ERICH1: variants seen among roughly 807,000 people sequenced by gnomAD.
ERICH1 encodes the protein glutamate rich 1, also known as glutamate-rich protein 1.
A neutral mutation model predicts 39.6 loss-of-function variants in ERICH1; 56 were observed. That is an observed-to-expected ratio of 1.41 (90% CI 1.14 to 1.77). The LOEUF (loss-of-function observed/expected upper bound fraction) is 1.77, where lower values mean the gene tolerates loss of function less well. ERICH1 is among the 40% of genes most tolerant of loss of function. ERICH1 has a pLI of 0.00. For synonymous variants in ERICH1, 313 were observed against 223.6 expected (o/e 1.40, Z -3.57); for missense variants, 826 against 575.4 (o/e 1.44, Z -4.45).
chr8:681,793 G>A (rs1418232320), intron 3 of ERICH1, among the ~76,000 whole-genome samples: 1 of 152,204 alleles, frequency 6.6e-6, no homozygotes, highest in Non-Finnish European at 1.5e-5. Flanking sequence ...GCCCGGCTGA[G>A]CCTTCGTCAG....
intron 2 of ERICH1, among the ~76,000 whole-genome samples, chr8:700,683 C>CCAAG (rs1811906046): frequency 6.7e-6 from 1 of 149,430 alleles, no homozygotes; most frequent in Non-Finnish European, 1.5e-5. Context: ...TGTCCCACTG[C>CCAAG]CTTGTGGCTG....
intron 3 of ERICH1, among the ~76,000 whole-genome samples, chr8:642,031 C>A (rs570537577): frequency 6.6e-6 from 1 of 152,218 alleles, no homozygotes; most frequent in Non-Finnish European, 1.5e-5. Context: ...AAATGGCCTG[C>A]CAGGCGGCCT....
In ERICH1 at chr8:695,504, C is replaced by T. The variant is rs371186105; in HGVS notation, c.170-2892G>A. The stretch of plus-strand genomic sequence containing the variant: ...CCGCCTCCCTCCCTCTCCTCTCCTT[C>T]CTCCCCATCAGCCTGCACCTGTGCT... On this transcript the variant is annotated intron_variant, in intron 2 of 5. Transcript: ENST00000262109. Among the ~76,000 whole-genome samples the T allele has an allele frequency of 3.6e-5, 5 of 137,824 alleles. No homozygotes were observed. In the South Asian group the frequency reaches 1.2e-3, roughly 33 times the overall value. The allele number at this position is 137,824 out of a possible 152,430, so 90.4% of individuals were successfully genotyped here. A position where few individuals can be genotyped will look rare whatever the true frequency, so the allele number is the denominator to read the frequency against.
chr8:685,966 G>GGTA, intron 3 of ERICH1, among the ~76,000 whole-genome samples: 3 of 131,744 alleles, frequency 2.3e-5, no homozygotes, highest in Non-Finnish European at 4.8e-5. Flanking sequence ...CCAACATGGT[G>GGTA]AAACCCCGTC....
chr8:626,817 ACAT>A (rs1244359639), intron 3 of ERICH1: 4 of 243,188 alleles, frequency 1.6e-5, no homozygotes, highest in Non-Finnish European at 3.5e-5. Flanking sequence ...GATTTATATC[ACAT>A]CATGGAGTTT....
intron 3 of ERICH1, among the ~76,000 whole-genome samples, chr8:629,023 C>T: frequency 6.6e-6 from 1 of 152,164 alleles, no homozygotes. Flanking sequence ...CAGAAGGGCT[C>T]TCGGGGCCAT....
chr8:715,917 G>T lies in ERICH1; in HGVS notation c.113C>A (p.Pro38Gln). Residue 38 changes from proline (P) to glutamine (Q), a missense_variant, in exon 2 of 6, where the codon CCA (proline) becomes CAA (glutamine). Pro to Gln is a moderately conservative substitution (Grantham distance 76). Coordinates refer to ENST00000262109, the MANE Select transcript of ERICH1 (RefSeq NM_207332.3). ...REPQTLAVQNPPKKVTSEKVS... is the reference protein window; with the variant it reads ...REPQTLAVQNQPKKVTSEKVS... ...TTTCTCAGAGGTCACTTTCTTTGGTGGATTTTGGACGGCCAGCGTCTGGGG... is the reference window on the plus strand; with the variant it reads ...TTTCTCAGAGGTCACTTTCTTTGGTTGATTTTGGACGGCCAGCGTCTGGGG... 6.2e-7 allele frequency: 1 copy of T among 1,614,010 alleles called. No individual in the cohort carries two copies. The highest frequency in any genetic ancestry group is 8.5e-7 in the Non-Finnish European group (1 of 1,179,966).
intron 2 of ERICH1, among the ~76,000 whole-genome samples, chr8:703,036 T>G (rs1180990690): frequency 1.3e-5 from 2 of 152,200 alleles, no homozygotes; most frequent in Non-Finnish European, 2.9e-5. Flanking sequence ...GCACATGAGC[T>G]GCGTGAGCTT....
At chr8:678,841 T>C (rs1563243403) in intron 3 of ERICH1, among the ~76,000 whole-genome samples, 1 of 152,114 alleles carries the variant, frequency 6.6e-6, no homozygotes, top group Non-Finnish European at 1.5e-5. Context: ...ATGTCTTACA[T>C]ACCCGTTTCC....
chr8:698,873 G>T (rs566556095), intron 2 of ERICH1, among the ~76,000 whole-genome samples: 1 of 150,714 alleles, frequency 6.6e-6, no homozygotes, highest in Non-Finnish European at 1.5e-5. Flanking sequence ...ATGCCACGAA[G>T]TAGCATCCTA....
intron 2 of ERICH1, among the ~76,000 whole-genome samples, chr8:705,683 A>T (rs1813111959): frequency 6.6e-6 from 1 of 152,192 alleles, no homozygotes; most frequent in African/African-American, 2.4e-5. Context: ...CAGGGCAATT[A>T]GTCAACAACA....
chr8:715,414 C>T (rs1002477288), intron 2 of ERICH1, among the ~76,000 whole-genome samples: 1 of 152,218 alleles, frequency 6.6e-6, no homozygotes, highest in African/African-American at 2.4e-5. Context: ...AAGAGCTTAA[C>T]ATGGGGCTGT....
In ERICH1 at chr8:673,779, C is replaced by T. The variant is rs1252090306; in HGVS notation, c.573G>A (p.Gln191=). 6.2e-7 allele frequency: 1 copy of T among 1,614,244 alleles called. No individual in the cohort carries two copies. Among genetic ancestry groups the T allele is most frequent in the Admixed American group, 1.7e-5 (1 of 60,034 alleles). Residue 191 remains glutamine (Q), a synonymous_variant, in exon 4 of 6, where the codon CAG becomes CAA. Coordinates refer to ENST00000262109, the MANE Select transcript of ERICH1 (RefSeq NM_207332.3). ...AKAAGVSFMY[Q]PEDSSNEGEG... is the part of the protein sequence containing the mutation. ...CCCCTTCATTGCTGCTGTCCTCGGG[C>T]TGGTACATGAAACTGACACCAGCAG...
intron 3 of ERICH1, among the ~76,000 whole-genome samples, chr8:691,370 A>AGT (rs1295194683): frequency 4.6e-5 from 7 of 152,246 alleles, no homozygotes; most frequent in African/African-American, 1.7e-4. Context: ...TCTGGGAAGC[A>AGT]GTGTTGGCTC....
At chr8:668,830 T>C in intron 4 of ERICH1, 38 bp from the exon 5 acceptor site, 1 of 1,538,444 alleles carries the variant, frequency 6.5e-7, no homozygotes, top group African/African-American at 1.4e-5. Flanking sequence ...TACAGTTTTG[T>C]TTTTATTTCT....
At position 619,300 on chromosome 8, in the gene ERICH1, G is replaced by C. The variant is rs1342172183; in HGVS notation, c.977-4016C>G. Among the ~76,000 whole-genome samples, 6 of 152,266 alleles carry C rather than the reference G, an allele frequency of 3.9e-5. No individual in the cohort carries two copies. The East Asian group carries it at 9.6e-4, about 24-fold the overall frequency. The stretch of plus-strand genomic sequence containing the variant: ...CCCCGGTGAGACCCACCGCGCACGA[G>C]GGGGGCCCGGTGAGACCTATCTCAC... On this transcript the variant is annotated intron_variant, in intron 3 of 3. Coordinates refer to the ERICH1 transcript ENST00000522706.
At chr8:637,696 C>G (rs1474005387) in intron 3 of ERICH1, 1 of 152,336 alleles carries the variant, frequency 6.6e-6, no homozygotes, top group Non-Finnish European at 1.5e-5. Context: ...CAACACAGCC[C>G]CACCGTGTGC....
chr8:654,680 C>T (rs17751994), intron 3 of ERICH1, among the ~76,000 whole-genome samples: 27,076 of 152,030 alleles, frequency 0.18, 3,040 homozygotes, highest in East Asian at 0.37. Context: ...GCTTAGGTGA[C>T]GTCCCCGAGG....
chr8:616,667 CAGAGGCAGAGGG>C (rs1796917869), intron 3 of ERICH1: 2 of 447,714 alleles, frequency 4.5e-6, no homozygotes, highest in African/African-American at 4.2e-5. Flanking sequence ...GCGCGGGGGA[CAGAGGCAGAGGG>C]AGAGGAAGAC....
Sources: gnomAD v4.1 joint callset for allele counts (sites outside exome capture counted in the v4.1 genomes callset) on GRCh38, gnomAD v4.1.1 for gene constraint, MANE v1.5 for transcripts, NCBI Gene and HGNC (gene_info 2026-07-23, HGNC 2026-07-21) for gene names.